ACSF3: variants seen among roughly 807,000 people sequenced by gnomAD.
ACSF3 encodes acyl-CoA synthetase family member 3.
ACSF3 carries 78 observed loss-of-function variants against 53.2 expected under a neutral mutation model. The observed-to-expected ratio is 1.47, with a 90% CI of 1.22 to 1.77. ACSF3 has a LOEUF of 1.77. Among genes scored for constraint, ACSF3 ranks in the 40% most tolerant of loss-of-function variants. ACSF3 has a pLI of 0.00. For synonymous variants in ACSF3, 414 were observed against 333.1 expected, an observed-to-expected ratio of 1.24 and a Z score of -2.65; for missense variants, 937 against 771.1, an observed-to-expected ratio of 1.22 and a Z score of -2.55.
intron 7 of ACSF3, among the ~76,000 whole-genome samples, chr16:89,126,930 T>C (rs1252657727): frequency 6.6e-6 from 1 of 152,212 alleles, no homozygotes; most frequent in Non-Finnish European, 1.5e-5. Flanking sequence ...ATTCTATCTA[T>C]AATGTGCTTA....
intron 8 of ACSF3, chr16:89,136,949 G>A (rs182439227): frequency 9.0e-7 from 1 of 1,114,516 alleles, no homozygotes; most frequent in Admixed American, 3.0e-5. Context: ...TAACTCCTCT[G>A]ACGGCCACAA....
At chr16:89,097,896 G>A (rs980190498) in intron 1 of ACSF3, among the ~76,000 whole-genome samples, 2 of 152,212 alleles carry the variant, frequency 1.3e-5, no homozygotes, top group African/African-American at 2.4e-5. Context: ...CTGTGCTGAG[G>A]TTCAGGGCCC....
intron 4 of ACSF3, among the ~76,000 whole-genome samples, chr16:89,107,701 G>A (rs1976174912): frequency 6.6e-6 from 1 of 152,236 alleles, no homozygotes; most frequent in African/African-American, 2.4e-5. Context: ...AGATGTCCCT[G>A]TGGACAGTTC....
intron 7 of ACSF3, among the ~76,000 whole-genome samples, chr16:89,126,488 C>CA (rs1908133314): frequency 6.6e-6 from 1 of 152,148 alleles, no homozygotes; most frequent in African/African-American, 2.4e-5. Flanking sequence ...AGGCTGGTCT[C>CA]AAACTCCTGA....
At chr16:89,145,044 GGGCACAGTCCCAC>G in intron 8 of ACSF3, 4 of 1,263,096 alleles carry the variant, frequency 3.2e-6, no homozygotes, top group Non-Finnish European at 4.4e-6. Context: ...CCCACATCAT[GGGCACAGTCCCAC>G]CTTGGGACGC....
At chr16:89,128,034 A>G (rs1908498767) in intron 7 of ACSF3, among the ~76,000 whole-genome samples, 1 of 151,750 alleles carries the variant, frequency 6.6e-6, no homozygotes, top group African/African-American at 2.4e-5. Context: ...TTTTGGATAC[A>G]TTGATTTTTC....
intron 7 of ACSF3, among the ~76,000 whole-genome samples, chr16:89,129,266 T>A (rs1178730801): frequency 6.6e-6 from 1 of 152,252 alleles, no homozygotes; most frequent in Non-Finnish European, 1.5e-5. Context: ...CAACTATAAC[T>A]GCCTGTTTCT....
intron 7 of ACSF3, among the ~76,000 whole-genome samples, chr16:89,132,040 C>T (rs1158465301): frequency 5.9e-5 from 9 of 152,158 alleles, no homozygotes; most frequent in Non-Finnish European, 1.2e-4. Context: ...CTGGAGGAGC[C>T]CAGGCTGGCG....
intron 8 of ACSF3, among the ~76,000 whole-genome samples, chr16:89,143,605 G>T (rs1297924697): frequency 6.6e-6 from 1 of 152,182 alleles, no homozygotes; most frequent in Admixed American, 6.5e-5. Context: ...CACAGCAGGA[G>T]CAGGAGCCAT....
chr16:89,151,933 T>A (rs922209748), intron 10 of ACSF3: 1 of 152,206 alleles, frequency 6.6e-6, no homozygotes, highest in Non-Finnish European at 1.5e-5. Flanking sequence ...AGAAGAAAGA[T>A]CATATCATTT....
At chr16:89,133,090 A>G in intron 7 of ACSF3, 46 bp from the exon 8 acceptor site, 3 of 1,612,140 alleles carry the variant, frequency 1.9e-6, no homozygotes, top group South Asian at 1.1e-5. Context: ...ACCAATCCCA[A>G]GAGGGTGTGC....
At chr16:89,108,408 A>G (rs1182773846) in intron 4 of ACSF3, among the ~76,000 whole-genome samples, 3 of 152,106 alleles carry the variant, frequency 2.0e-5, no homozygotes, top group Non-Finnish European at 4.4e-5. Flanking sequence ...AAATCCCTCA[A>G]TTTTGTTTCA....
chr16:89,106,950 C>G (rs1234350233), intron 4 of ACSF3, among the ~76,000 whole-genome samples: 1 of 152,236 alleles, frequency 6.6e-6, no homozygotes, highest in African/African-American at 2.4e-5. Flanking sequence ...ATCAAAGTCA[C>G]CACTGACGAG....
intron 8 of ACSF3, among the ~76,000 whole-genome samples, chr16:89,142,121 G>A (rs990915334): frequency 7.2e-5 from 11 of 152,316 alleles, no homozygotes; most frequent in Middle Eastern, 3.4e-3. Context: ...GAAACCGTGC[G>A]TGCAGCACAG....
At chr16:89,153,892 T>A (rs572013433) in intron 10 of ACSF3, 198 bp from the exon 11 acceptor site, 1 of 619,286 alleles carries the variant, frequency 1.6e-6, no homozygotes, top group African/African-American at 1.8e-5. Context: ...GCCGGGCACC[T>A]CCTGCAGTCA....
At chr16:89,126,599 T>C (rs1399836560) in intron 7 of ACSF3, among the ~76,000 whole-genome samples, 1 of 152,272 alleles carries the variant, frequency 6.6e-6, no homozygotes, top group Non-Finnish European at 1.5e-5. Context: ...AGTTTTCAAC[T>C]GTTCATTGCT....
At position 89,100,656 on chromosome 16, in the gene ACSF3, C is replaced by T; in HGVS notation, c.-20-6C>T. On this transcript the variant is annotated splice_region_variant and splice_polypyrimidine_tract_variant and intron_variant, in intron 2 of 10. Transcript: ENST00000614302. ...CACTCACGTCCTGTGCCTTGCCTTT[C>T]TCCAGCTCGGCCGCCTGTCAGTGCA... is the stretch of plus-strand genomic sequence containing the variant. 1 of 394,114 alleles carries T rather than the reference C, an allele frequency of 2.5e-6. No homozygotes were observed. The highest frequency in any genetic ancestry group is 4.1e-6 in the Non-Finnish European group (1 of 240,994). The allele number at this position is 394,114 out of a possible 1,614,324, so 24.4% of individuals were successfully genotyped here.
intron 1 of ACSF3, among the ~76,000 whole-genome samples, chr16:89,096,285 C>T (rs1974606969): frequency 6.6e-6 from 1 of 152,160 alleles, no homozygotes; most frequent in Non-Finnish European, 1.5e-5. Flanking sequence ...TGGGCAGTGT[C>T]CCTCCACACT....
In ACSF3 at chr16:89,112,001, C is replaced by G. The variant is rs187386880; in HGVS notation, c.823-91C>G. 3.8e-5 allele frequency: 20 copies of G among 527,708 alleles called. 2 individuals carry two copies. The highest frequency in any genetic ancestry group is 3.8e-4 in the Admixed American group (10 of 26,460). The allele number at this position is 527,708 out of a possible 1,614,324, so 32.7% of individuals were successfully genotyped here. ...GGCGCTGCAGACTCTTGAATGTGAA[C>G]CATGAGAACGCTGTGCCTGGAGCCA... is the stretch of plus-strand genomic sequence containing the variant. On this transcript the variant is annotated intron_variant, in intron 4 of 10. Transcript: ENST00000614302.
Sources: allele counts gnomAD v4.1 joint callset (sites outside exome capture counted in the v4.1 genomes callset), GRCh38; gene constraint gnomAD v4.1.1; transcripts MANE v1.5; gene names NCBI Gene and HGNC (gene_info 2026-07-23, HGNC 2026-07-21).